The following ZBTB14 variants were observed in gnomAD, a reference collection of about 807,000 sequenced individuals.
ZBTB14 encodes zinc finger and BTB domain containing 14.
ZBTB14 carries 8 observed loss-of-function variants against 29.5 expected under a neutral mutation model. The observed-to-expected ratio is 0.27, with a 90% CI of 0.16 to 0.49. The LOEUF is 0.49. Among genes scored for constraint, ZBTB14 ranks in the 20% least tolerant of loss-of-function variants. ZBTB14 has a pLI of 0.99. For missense variants in ZBTB14, 333 were observed against 563.8 expected (o/e 0.59, Z 4.15); for synonymous variants, 226 against 207.2 (o/e 1.09, Z -0.78).
chr18:5,291,986 C>T lies in ZBTB14; in HGVS notation c.222G>A (p.Ser74=), dbSNP rs755138426. The T allele has an allele frequency of 1.5e-5, 25 of 1,613,722 alleles. No individual in the cohort carries two copies. The highest frequency in any genetic ancestry group is 6.6e-5 in the South Asian group (6 of 91,008). The change falls in exon 4 of 4, where the codon TCG becomes TCA. Residue 74 remains serine, a synonymous_variant. Coordinates refer to ENST00000651870, the MANE Select transcript of ZBTB14 (RefSeq NM_001243702.2). This position sits in a 1 kb window ranked among gnomAD's most constrained non-coding sequence, Gnocchi z 5.8. ...LFKKLEVDSS[S]VIEIDFLRSD... is the part of the protein sequence containing the mutation. Reference sequence around the variant, plus strand: ...AACGAAGAAAATCTATTTCTATGACCGAAGAACTATCAACCTCAAGCTTCT... The same window carrying T: ...AACGAAGAAAATCTATTTCTATGACTGAAGAACTATCAACCTCAAGCTTCT...
In ZBTB14 at chr18:5,289,757, A is replaced by G. The variant is rs1342729794; in HGVS notation, c.*1101T>C. 6.5e-6 allele frequency: 1 copy of G among 152,672 alleles called. No homozygotes were observed. The highest frequency in any genetic ancestry group is 2.4e-5 in the African/African-American group (1 of 41,464). 9.5% of individuals were successfully genotyped at this position (152,672 alleles called of 1,614,324 possible). On this transcript the variant is annotated 3_prime_UTR_variant, in exon 4 of 4. Transcript: ENST00000651870. ...AGTTATTTTAATCCAATGTGCAAAA[A>G]AAGTGCAGCTGTCTACTTTTTACTT...
At position 5,289,794 on chromosome 18, in the gene ZBTB14, G is replaced by C. The variant is rs2071771312; in HGVS notation, c.*1064C>G. 1.3e-5 allele frequency: 2 copies of C among 152,680 alleles called. No homozygotes were observed. Among genetic ancestry groups the C allele is most frequent in the Admixed American group, 6.5e-5 (1 of 15,302 alleles). 9.5% of individuals were successfully genotyped at this position (152,680 alleles called of 1,614,324 possible). A position where few individuals can be genotyped will look rare whatever the true frequency, so the allele number is the denominator to read the frequency against. On this transcript the variant is annotated 3_prime_UTR_variant, in exon 4 of 4. Transcript: ENST00000651870. The stretch of plus-strand genomic sequence containing the variant: ...TCTACTTTTTACTTGAAATACGTAA[G>C]ACCAACACTACTATTTACACACTTA...
At chr18:5,296,261 AGCCCGCGCGCGGG>A (rs1362498361), upstream of ZBTB14, 1 of 149,216 alleles carries the variant, frequency 6.7e-6, no homozygotes, top group Non-Finnish European at 1.5e-5. Context: ...GGGCGCGCGG[AGCCCGCGCGCGGG>A]AGAAGGAGTG....
In ZBTB14 at chr18:5,290,656, GACAGTGAA is replaced by G; in HGVS notation, c.*194_*201del. The G allele has an allele frequency of 1.5e-6, 1 of 676,454 alleles. No individual in the cohort carries two copies. The highest frequency in any genetic ancestry group is 3.4e-5 in the Admixed American group (1 of 29,626). The allele number at this position is 676,454 out of a possible 1,614,324, so 41.9% of individuals were successfully genotyped here. ...AACATTAATACTAGACACCAGACAAGACAGTGAAACGGTTTGGTCAGAACTGAGGAACA... is the reference window on the plus strand; with the variant it reads ...AACATTAATACTAGACACCAGACAAGACGGTTTGGTCAGAACTGAGGAACA... On this transcript the variant is annotated 3_prime_UTR_variant, in exon 4 of 4. Coordinates refer to ENST00000651870, the MANE Select transcript of ZBTB14 (RefSeq NM_001243702.2).
In ZBTB14 at chr18:5,293,230, A is replaced by T. The variant is rs760728742; in HGVS notation, c.3+14T>A. 2 of 1,612,492 alleles carry T rather than the reference A, an allele frequency of 1.2e-6. No homozygotes were observed. On this transcript the variant is annotated intron_variant, in intron 3 of 3. Transcript: ENST00000651870. ...TCATTTTCATCAAGATTTAATATCC[A>T]AAGTTATAGTTACCATGAACAACTC...
chr18:5,295,110 G>A (rs1489284242), intron 1 of ZBTB14, among the ~76,000 whole-genome samples: 1 of 148,134 alleles, frequency 6.8e-6, no homozygotes, highest in Non-Finnish European at 1.5e-5. Context: ...CTCGGAGCGC[G>A]CAGGGAGGGA....
chr18:5,291,018 G>A lies in ZBTB14; in HGVS notation c.1190C>T (p.Ala397Val). The change falls in exon 4 of 4, where the codon GCA (alanine) becomes GTA (valine). Residue 397 changes from alanine (A) to valine (V), a missense_variant. Physicochemically the swap from Ala to Val is moderately conservative, Grantham distance 64. Coordinates refer to ENST00000651870, the MANE Select transcript of ZBTB14 (RefSeq NM_001243702.2). This position sits in a 1 kb window ranked among gnomAD's most constrained non-coding sequence, Gnocchi z 5.8. ...KPFVCGSCTK[A>V]FAKASDLKRH... ...TTTCAGATCAGATGCCTTGGCAAATGCCTTGGTGCAGGAGCCACACACAAA... is the reference window on the plus strand; with the variant it reads ...TTTCAGATCAGATGCCTTGGCAAATACCTTGGTGCAGGAGCCACACACAAA... 1 of 1,614,244 alleles carries A rather than the reference G, an allele frequency of 6.2e-7. No individual in the cohort carries two copies. Among genetic ancestry groups the A allele is most frequent in the Non-Finnish European group, 8.5e-7 (1 of 1,180,050 alleles).
intron 2 of ZBTB14, 154 bp from the exon 3 acceptor site, chr18:5,293,481 G>A (rs116116536): frequency 2.3e-4 from 122 of 541,108 alleles, no homozygotes; most frequent in African/African-American, 2.2e-3. Flanking sequence ...GGTACATCAA[G>A]TGCAGTTCTG....
At chr18:5,295,454 G>A (rs1431086083) in intron 1 of ZBTB14, among the ~76,000 whole-genome samples, 198 bp downstream of exon 1, 2 of 145,320 alleles carry the variant, frequency 1.4e-5, no homozygotes, top group Admixed American at 1.4e-4. Flanking sequence ...CTGGGTTCGG[G>A]CCGTCCCCAC....
rs990072 is a variant in ZBTB14, at chr18:5,290,199, T to C, written c.*659A>G. 0.59 allele frequency: 89,571 copies of C among 151,958 alleles called. 26,779 individuals carry two copies. The highest frequency in any genetic ancestry group is 0.79 in the East Asian group (4,070 of 5,164). 9.4% of individuals were successfully genotyped at this position (151,958 alleles called of 1,614,324 possible). A position where few individuals can be genotyped will look rare whatever the true frequency, so the allele number is the denominator to read the frequency against. On this transcript the variant is annotated 3_prime_UTR_variant, in exon 4 of 4. Transcript: ENST00000651870. ...CGGTGGGTTTGCTTGGCCTTTAGGA[T>C]GTGTGACTACAGCTTTTGGGTAGGT...
At chr18:5,296,931 C>T (rs1196832090), upstream of ZBTB14, 3 of 152,096 alleles carry the variant, frequency 2.0e-5, no homozygotes, top group Non-Finnish European at 2.9e-5. Context: ...ACCACGTCGC[C>T]TTCCCTCTGA....
chr18:5,293,415 T>G (rs2071864016), intron 2 of ZBTB14, 88 bp from the exon 3 acceptor site: 1 of 727,998 alleles, frequency 1.4e-6, no homozygotes, highest in African/African-American at 1.8e-5. Flanking sequence ...AAAATAAACT[T>G]TCTTGTTCCC....
chr18:5,294,420 G>T (rs983678701), intron 1 of ZBTB14, among the ~76,000 whole-genome samples: 17 of 152,290 alleles, frequency 1.1e-4, no homozygotes, highest in African/African-American at 3.9e-4. Flanking sequence ...TGGGACCAGA[G>T]AGAGGAGTGG....
chr18:5,290,651 G>A lies in ZBTB14; in HGVS notation c.*207C>T. 1.5e-6 allele frequency: 1 copy of A among 662,788 alleles called. No homozygotes were observed. Among genetic ancestry groups the A allele is most frequent in the Non-Finnish European group, 2.4e-6 (1 of 414,780 alleles). The allele number at this position is 662,788 out of a possible 1,614,324, so 41.1% of individuals were successfully genotyped here. ...TGGGCAACATTAATACTAGACACCAGACAAGACAGTGAAACGGTTTGGTCA... is the reference window on the plus strand; with the variant it reads ...TGGGCAACATTAATACTAGACACCAAACAAGACAGTGAAACGGTTTGGTCA... On this transcript the variant is annotated 3_prime_UTR_variant, in exon 4 of 4. Coordinates refer to ENST00000651870, the MANE Select transcript of ZBTB14 (RefSeq NM_001243702.2).
At chr18:5,296,115 C>G (rs908692182), upstream of ZBTB14, 2 of 151,550 alleles carry the variant, frequency 1.3e-5, no homozygotes, top group African/African-American at 4.9e-5. Flanking sequence ...TGCGCAGGCA[C>G]GGAACCCGAC....
In ZBTB14 at chr18:5,289,742, A is replaced by C. The variant is rs538870531; in HGVS notation, c.*1116T>G. 2 of 152,766 alleles carry C rather than the reference A, an allele frequency of 1.3e-5. No homozygotes were observed. The highest frequency in any genetic ancestry group is 1.5e-5 in the Non-Finnish European group (1 of 68,026). The allele number at this position is 152,766 out of a possible 1,614,324, so 9.5% of individuals were successfully genotyped here. A position where few individuals can be genotyped will look rare whatever the true frequency, so the allele number is the denominator to read the frequency against. ...TTTGTTGCTGATGGAAGTTATTTTA[A>C]TCCAATGTGCAAAAAAAGTGCAGCT... On this transcript the variant is annotated 3_prime_UTR_variant, in exon 4 of 4. Transcript: ENST00000651870.
In ZBTB14 at chr18:5,293,309, G is replaced by A. The variant is rs1198573240; in HGVS notation, c.-63C>T. ...AAAATCTTCAGATCAGAGTAACTCTGATCAGGAGCACGCCAGACCTACAGA... is the reference window on the plus strand; with the variant it reads ...AAAATCTTCAGATCAGAGTAACTCTAATCAGGAGCACGCCAGACCTACAGA... On this transcript the variant is annotated 5_prime_UTR_variant, in exon 3 of 4. It introduces an in-frame stop codon into an upstream open reading frame of the 5' UTR. Coordinates refer to ENST00000651870, the MANE Select transcript of ZBTB14 (RefSeq NM_001243702.2). The A allele has an allele frequency of 7.6e-6, 12 of 1,581,826 alleles. No homozygotes were observed. Among genetic ancestry groups the A allele is most frequent in the Non-Finnish European group, 8.6e-6 (10 of 1,156,190 alleles).
Position 5,292,172 on chromosome 18 carries a change from T to C in ZBTB14, c.36A>G (p.Lys12=). 2 of 1,580,668 alleles carry C rather than the reference T, an allele frequency of 1.3e-6. No individual in the cohort carries two copies. The highest frequency in any genetic ancestry group is 1.2e-5 in the South Asian group (1 of 86,564). ...EFFISMSETI[K]YNDDDHKTLF... is the part of the protein sequence containing the mutation. The stretch of plus-strand genomic sequence containing the variant: ...GAGTTTTATGATCATCGTCATTATA[T>C]TTAATGGTTTCAGACATACTGATGA... Residue 12 remains lysine, a synonymous_variant, in exon 4 of 4, where the codon AAA becomes AAG. Coordinates refer to ENST00000651870, the MANE Select transcript of ZBTB14 (RefSeq NM_001243702.2).
chr18:5,293,042 ATC>A (rs1229634691), intron 3 of ZBTB14, among the ~76,000 whole-genome samples, 200 bp downstream of exon 3: 2 of 152,242 alleles, frequency 1.3e-5, no homozygotes, highest in Non-Finnish European at 2.9e-5. Context: ...GGCATGAAAG[ATC>A]TCTGTCATCA....
Sources: allele counts gnomAD v4.1 joint callset (sites outside exome capture counted in the v4.1 genomes callset), GRCh38; gene constraint gnomAD v4.1.1; non-coding constraint Gnocchi (gnomAD v3.1); transcripts MANE v1.5; gene names NCBI Gene and HGNC (gene_info 2026-07-23, HGNC 2026-07-21).